Variants in ACADSB observed in about 807,000 individuals in gnomAD.
ACADSB encodes short/branched chain specific acyl-CoA dehydrogenase, mitochondrial.
In ACADSB, 40 loss-of-function variants were observed where a neutral mutation model predicts 54.1. That is an observed-to-expected ratio of 0.74 (90% CI 0.57 to 0.96). The LOEUF (loss-of-function observed/expected upper bound fraction) is 0.96. ACADSB is among the 40% of genes least tolerant of loss of function. The pLI, the probability that ACADSB is intolerant of heterozygous loss-of-function variation, is 0.00. For synonymous variants in ACADSB, 182 were observed against 182.8 expected, an observed-to-expected ratio of 1.00 and a Z score of 0.03; for missense variants, 530 against 510.4, an observed-to-expected ratio of 1.04 and a Z score of -0.37.
In ACADSB at chr10:123,040,653, C is replaced by T. The variant is rs1850460453; in HGVS notation, c.491C>T (p.Pro164Leu). ...GTEEQKATYL[P>L]QLTTEKVGSF... The stretch of plus-strand genomic sequence containing the variant: ...GAAGAACAAAAGGCCACCTATTTGC[C>T]TCAGCTCACTACAGAAAAAGTGAGT... The change falls in exon 4 of 11, where the codon CCT becomes CTT. Residue 164 changes from proline to leucine, a missense_variant. Coordinates refer to ENST00000358776, the MANE Select transcript of ACADSB (RefSeq NM_001609.4). 2 of 1,613,474 alleles carry T rather than the reference C, an allele frequency of 1.2e-6. No homozygotes were observed. Among genetic ancestry groups the T allele is most frequent in the Non-Finnish European group, 1.7e-6 (2 of 1,179,478 alleles).
rs898487934 is a variant in ACADSB at position 123,053,910 on chromosome 10, G to A, written c.*145G>A. 3 of 784,188 alleles carry A rather than the reference G, an allele frequency of 3.8e-6. No individual in the cohort carries two copies. The highest frequency in any genetic ancestry group is 1.7e-5 in the African/African-American group (1 of 57,748). The allele number at this position is 784,188 out of a possible 1,614,324, so 48.6% of individuals were successfully genotyped here. A position where few individuals can be genotyped will look rare whatever the true frequency, so the allele number is the denominator to read the frequency against. ...TGAAGCCCTTAGTCAGGGTCCTGGT[G>A]TTGGCCTTTTTGGTTTTCTCTTTTC... is the stretch of plus-strand genomic sequence containing the variant. On this transcript the variant is annotated 3_prime_UTR_variant, in exon 11 of 11. Transcript: ENST00000358776.
chr10:123,034,082 G>A (rs143803390), intron 1 of ACADSB, among the ~76,000 whole-genome samples: 1 of 152,342 alleles, frequency 6.6e-6, no homozygotes, highest in African/African-American at 2.4e-5. Flanking sequence ...ATACATTGGA[G>A]AATGAAATTT....
intron 7 of ACADSB, among the ~76,000 whole-genome samples, chr10:123,046,438 G>A (rs1050298931): frequency 6.6e-6 from 1 of 152,170 alleles, no homozygotes; most frequent in African/African-American, 2.4e-5. Flanking sequence ...GGTTAGCAGT[G>A]AGACAGTTCA....
intron 1 of ACADSB, among the ~76,000 whole-genome samples, chr10:123,025,987 A>G (rs1032739227): frequency 6.6e-6 from 1 of 151,922 alleles, no homozygotes; most frequent in Non-Finnish European, 1.5e-5. Context: ...CTTGAACCCA[A>G]GCAGTTCTTG....
At chr10:123,022,779 G>A (rs1461954838) in intron 1 of ACADSB, among the ~76,000 whole-genome samples, 2 of 152,040 alleles carry the variant, frequency 1.3e-5, no homozygotes, top group African/African-American at 2.4e-5. Flanking sequence ...TCAGATATGG[G>A]CATTTATACA....
chr10:123,019,665 T>G (rs1357212478), intron 1 of ACADSB, among the ~76,000 whole-genome samples: 1 of 152,252 alleles, frequency 6.6e-6, no homozygotes, highest in Non-Finnish European at 1.5e-5. Context: ...CCATTTTGAT[T>G]CTGACAACTT....
At chr10:123,016,475 T>C (rs1005892519) in intron 1 of ACADSB, among the ~76,000 whole-genome samples, 3 of 152,264 alleles carry the variant, frequency 2.0e-5, no homozygotes, top group African/African-American at 7.2e-5. Flanking sequence ...GCAGCTACTG[T>C]TACAGGCGCA....
chr10:123,014,734 T>C (rs1030824287), intron 1 of ACADSB, among the ~76,000 whole-genome samples: 15 of 152,194 alleles, frequency 9.9e-5, no homozygotes, highest in African/African-American at 3.4e-4. Context: ...ATAAATAATA[T>C]GGGCAGATAT....
At chr10:123,024,096 A>C (rs1227465232) in intron 1 of ACADSB, among the ~76,000 whole-genome samples, 1 of 152,160 alleles carries the variant, frequency 6.6e-6, no homozygotes, top group South Asian at 2.1e-4. Flanking sequence ...GTAATCCCCA[A>C]CTTTTAGCAT....
intron 1 of ACADSB, among the ~76,000 whole-genome samples, chr10:123,021,306 A>G (rs1256084944): frequency 6.6e-6 from 1 of 152,240 alleles, no homozygotes; most frequent in Non-Finnish European, 1.5e-5. Flanking sequence ...AATTTTTGTT[A>G]AAGAGTACAT....
At chr10:123,034,297 C>A in intron 1 of ACADSB, 59 bp from the exon 2 acceptor site, 1 of 1,556,624 alleles carries the variant, frequency 6.4e-7, no homozygotes, top group Non-Finnish European at 8.8e-7. Flanking sequence ...GTTATAAAGT[C>A]ATTCCCAAAG....
rs1168271950 is a variant in ACADSB, at chr10:123,051,192, A to G, written c.1128+6A>G. 2.7e-5 allele frequency: 15 copies of G among 553,578 alleles called. No individual in the cohort carries two copies. Among genetic ancestry groups the G allele is most frequent in the Non-Finnish European group, 3.6e-5 (14 of 388,196 alleles). The allele number at this position is 553,578 out of a possible 1,614,324, so 34.3% of individuals were successfully genotyped here. ...CCAAATACTATGCATCAGAGGTAAA[A>G]AAAAAAAAAAAAAAAAAAAAGGAAA... is the stretch of plus-strand genomic sequence containing the variant. On this transcript the variant is annotated splice_donor_region_variant and intron_variant, in intron 9 of 10. Coordinates refer to ENST00000358776, the MANE Select transcript of ACADSB (RefSeq NM_001609.4).
Position 123,053,789 on chromosome 10 carries a change from C to T in ACADSB, c.*24C>T, listed in dbSNP as rs1342373505. 6.3e-7 allele frequency: 1 copy of T among 1,596,472 alleles called. No individual in the cohort carries two copies. The highest frequency in any genetic ancestry group is 2.2e-5 in the East Asian group (1 of 44,798). ...GACGTCTATAGGAGTGGGACCCCTCCCTGGTGTCACTGCTGTAAAATTTTA... is the reference window on the plus strand; with the variant it reads ...GACGTCTATAGGAGTGGGACCCCTCTCTGGTGTCACTGCTGTAAAATTTTA... On this transcript the variant is annotated 3_prime_UTR_variant, in exon 11 of 11. Coordinates refer to ENST00000358776, the MANE Select transcript of ACADSB (RefSeq NM_001609.4).
intron 1 of ACADSB, among the ~76,000 whole-genome samples, chr10:123,026,865 T>C (rs757465356): frequency 6.6e-6 from 1 of 151,990 alleles, no homozygotes; most frequent in East Asian, 1.9e-4. Flanking sequence ...AAGAAACTAA[T>C]TTAAAAAAAA....
intron 3 of ACADSB, among the ~76,000 whole-genome samples, chr10:123,039,189 T>C (rs888979629): frequency 6.6e-6 from 1 of 152,224 alleles, no homozygotes; most frequent in African/African-American, 2.4e-5. Flanking sequence ...GTCATTGTAA[T>C]GAGGTTTCCG....
rs376944892 is a variant in ACADSB, at chr10:123,047,309, A to T, written c.990+11A>T. 5.1e-5 allele frequency: 78 copies of T among 1,533,070 alleles called. No homozygotes were observed. In the African/African-American group the frequency reaches 9.8e-4, roughly 19 times the overall value. The allele number at this position is 1,533,070 out of a possible 1,614,324, so 95.0% of individuals were successfully genotyped here. ...CTATTTGATTTTCAGGTATGTAATT[A>T]TTAGGGTCTTTCTGCTGTGTTAGAC... On this transcript the variant is annotated intron_variant, in intron 8 of 10. Coordinates refer to ENST00000358776, the MANE Select transcript of ACADSB (RefSeq NM_001609.4).
At chr10:123,046,838 C>CT in intron 7 of ACADSB, among the ~76,000 whole-genome samples, 9 of 152,158 alleles carry the variant, frequency 5.9e-5, no homozygotes. Context: ...GCCTTCAAGG[C>CT]CAGTTCTGAG....
At position 123,043,991 on chromosome 10, in the gene ACADSB, G is replaced by A. The variant is rs117865190; in HGVS notation, c.808-402G>A. Reference sequence around the variant, plus strand: ...CCGTTGATTTTTATGAGGGTGAATGGTCTCAACAGCAGAAAGGCTTACTAC... The same window carrying A: ...CCGTTGATTTTTATGAGGGTGAATGATCTCAACAGCAGAAAGGCTTACTAC... On this transcript the variant is annotated intron_variant, in intron 6 of 10. Transcript: ENST00000358776. Among the ~76,000 whole-genome samples the A allele has an allele frequency of 1.6e-3, 247 of 152,220 alleles. 5 individuals are homozygous for A. In the East Asian group the frequency reaches 0.04, roughly 24 times the overall value.
At chr10:123,024,813 C>T (rs1850229515) in intron 1 of ACADSB, among the ~76,000 whole-genome samples, 2 of 152,232 alleles carry the variant, frequency 1.3e-5, no homozygotes, top group South Asian at 2.1e-4. Context: ...CAAATACACT[C>T]TAGAGGTTTC....
Sources: gnomAD v4.1 joint callset for allele counts (sites outside exome capture counted in the v4.1 genomes callset) on GRCh38, gnomAD v4.1.1 for gene constraint, MANE v1.5 for transcripts, NCBI Gene and HGNC (gene_info 2026-07-23, HGNC 2026-07-21) for gene names.